Variants in C10orf67 observed in about 807,000 individuals in gnomAD.
C10orf67 encodes chromosome 10 open reading frame 67.
In C10orf67, 60 loss-of-function variants were observed where a neutral mutation model predicts 35.6. The observed-to-expected ratio is 1.68, with a 90% CI of 1.37 to 2.09. C10orf67 has a LOEUF of 2.09. Ranked by LOEUF, C10orf67 falls within the 30% of genes most tolerant of loss-of-function variation. C10orf67 has a pLI of 0.00. For synonymous variants in C10orf67, 167 were observed against 115.8 expected, an observed-to-expected ratio of 1.44 and a Z score of -2.84; for missense variants, 474 against 330.2, an observed-to-expected ratio of 1.44 and a Z score of -3.38.
At chr10:23,297,131 C>T (rs985282687) in intron 5 of C10orf67, among the ~76,000 whole-genome samples, 2 of 152,100 alleles carry the variant, frequency 1.3e-5, no homozygotes, top group African/African-American at 2.4e-5. Context: ...GAGGGGATTA[C>T]CCCATACTAG....
intron 12 of C10orf67, among the ~76,000 whole-genome samples, chr10:23,242,846 C>T (rs999590406): frequency 2.0e-5 from 3 of 152,060 alleles, no homozygotes; most frequent in African/African-American, 7.2e-5. Context: ...TAAAACAGGT[C>T]AAATAGAAAA....
intron 4 of C10orf67, among the ~76,000 whole-genome samples, chr10:23,315,168 T>C (rs190935324): frequency 6.6e-6 from 1 of 152,312 alleles, no homozygotes; most frequent in Admixed American, 6.5e-5. Context: ...ATGACTTTAA[T>C]TTAATTTAAT....
chr10:23,238,333 T>C (rs1842097713), intron 13 of C10orf67, among the ~76,000 whole-genome samples: 1 of 152,220 alleles, frequency 6.6e-6, no homozygotes, highest in African/African-American at 2.4e-5. Context: ...TTTGAAAATC[T>C]GTATACACTC....
intron 4 of C10orf67, among the ~76,000 whole-genome samples, chr10:23,308,607 C>A (rs139040407): frequency 7.1e-4 from 108 of 152,234 alleles, no homozygotes; most frequent in African/African-American, 2.3e-3. Flanking sequence ...TCCCTCTTAG[C>A]CGACCCAACA....
chr10:23,308,744 T>C (rs1437967525), intron 4 of C10orf67, among the ~76,000 whole-genome samples: 29 of 152,182 alleles, frequency 1.9e-4, no homozygotes, highest in Non-Finnish European at 5.9e-5. Flanking sequence ...TTATCATTTG[T>C]AAAATGGGAC....
chr10:23,258,108 T>C (rs1396805651), intron 10 of C10orf67: 1 of 152,264 alleles, frequency 6.6e-6, no homozygotes, highest in Non-Finnish European at 1.5e-5. Context: ...CGTTAGGTGG[T>C]TTTACCATGT....
chr10:23,328,461 A>C (rs976430983), intron 2 of C10orf67, among the ~76,000 whole-genome samples: 1 of 152,130 alleles, frequency 6.6e-6, no homozygotes, highest in Non-Finnish European at 1.5e-5. Context: ...GGGAGCAGCC[A>C]TCTTGCTACT....
chr10:23,227,176 C>T (rs1463436919), intron 13 of C10orf67, among the ~76,000 whole-genome samples: 1 of 152,232 alleles, frequency 6.6e-6, no homozygotes, highest in East Asian at 1.9e-4. Flanking sequence ...AACATCGATG[C>T]AAAAATCCTC....
intron 13 of C10orf67, among the ~76,000 whole-genome samples, chr10:23,238,918 T>C (rs1842109743): frequency 6.6e-6 from 1 of 152,178 alleles, no homozygotes; most frequent in South Asian, 2.1e-4. Context: ...ATCCTGCAAG[T>C]GTACTTAAGT....
chr10:23,323,952 T>TATATATATACACACAC (rs1564513730), intron 2 of C10orf67, among the ~76,000 whole-genome samples: 7 of 64,670 alleles, frequency 1.1e-4, no homozygotes, highest in Non-Finnish European at 2.0e-4. Flanking sequence ...TATATATATA[T>TATATATATACACACAC]ACACACACAC....
intron 8 of C10orf67, among the ~76,000 whole-genome samples, chr10:23,271,855 C>A (rs780295693): frequency 1.3e-5 from 2 of 151,936 alleles, no homozygotes; most frequent in Non-Finnish European, 2.9e-5. Flanking sequence ...ATATTTCCTC[C>A]CACTCTGTGG....
At chr10:23,265,807 A>G (rs925597168) in intron 10 of C10orf67, among the ~76,000 whole-genome samples, 2 of 152,190 alleles carry the variant, frequency 1.3e-5, no homozygotes, top group South Asian at 4.1e-4. Context: ...AAAGGTAGAA[A>G]AGGAGAGCAG....
At chr10:23,213,246 A>C (rs1841356302) in intron 15 of C10orf67, among the ~76,000 whole-genome samples, 1 of 152,210 alleles carries the variant, frequency 6.6e-6, no homozygotes, top group Non-Finnish European at 1.5e-5. Context: ...AGGCATGGAG[A>C]AGAGATTGAG....
chr10:23,248,962 C>G (rs1340565834), intron 12 of C10orf67, among the ~76,000 whole-genome samples: 1 of 151,356 alleles, frequency 6.6e-6, no homozygotes, highest in Non-Finnish European at 1.5e-5. Flanking sequence ...TCCATCTCTA[C>G]TAAAAATACA....
chr10:23,298,234 G>A (rs539679887), intron 5 of C10orf67, among the ~76,000 whole-genome samples: 5 of 152,076 alleles, frequency 3.3e-5, no homozygotes, highest in South Asian at 4.2e-4. Context: ...CAGCCTGGGC[G>A]ACAGAGTGAG....
intron 1 of C10orf67, chr10:23,344,221 A>T: frequency 4.9e-6 from 1 of 204,966 alleles, no homozygotes; most frequent in Non-Finnish European, 8.8e-6. Flanking sequence ...AAGGTTGGGG[A>T]TGGGGGGGAA....
At chr10:23,258,404 C>A in intron 10 of C10orf67, 1 of 171,426 alleles carries the variant, frequency 5.8e-6, no homozygotes. Flanking sequence ...TCATAGGCTC[C>A]CTCCTGCTGT....
intron 13 of C10orf67, among the ~76,000 whole-genome samples, chr10:23,229,110 T>C (rs1781147189): frequency 6.6e-6 from 1 of 152,090 alleles, no homozygotes; most frequent in Non-Finnish European, 1.5e-5. Flanking sequence ...TTATAAATCA[T>C]GCTGCTATAA....
chr10:23,326,174 T>A (rs911478903), intron 2 of C10orf67, among the ~76,000 whole-genome samples: 2 of 152,168 alleles, frequency 1.3e-5, no homozygotes, highest in African/African-American at 4.8e-5. Context: ...ACATGCAGAT[T>A]GTAGATGCTT....
Sources: gnomAD v4.1 joint callset for allele counts (sites outside exome capture counted in the v4.1 genomes callset) on GRCh38, gnomAD v4.1.1 for gene constraint, MANE v1.5 for transcripts, NCBI Gene and HGNC (gene_info 2026-07-23, HGNC 2026-07-21) for gene names.